The following PAH variants were observed in gnomAD, a reference collection of about 807,000 sequenced individuals.
PAH encodes phenylalanine-4-hydroxylase.
A neutral mutation model predicts 62.0 loss-of-function variants in PAH; 64 were observed. That is an observed-to-expected ratio of 1.03 (90% CI 0.84 to 1.27). The LOEUF is 1.27. PAH is among the 50% of genes most tolerant of loss of function. The pLI, the probability that PAH is intolerant of heterozygous loss-of-function variation, is 0.00. For missense variants in PAH, 579 were observed against 542.8 expected (o/e 1.07, Z -0.66); for synonymous variants, 195 against 196.2 (o/e 0.99, Z 0.05).
At chr12:102,900,818 T>C (rs1261824213) in intron 2 of PAH, among the ~76,000 whole-genome samples, 2 of 152,140 alleles carry the variant, frequency 1.3e-5, no homozygotes, top group Non-Finnish European at 2.9e-5. Flanking sequence ...GGTTTACAAA[T>C]TGACCCATAT....
chr12:102,881,264 G>A (rs1032410302), intron 3 of PAH, among the ~76,000 whole-genome samples: 1 of 150,954 alleles, frequency 6.6e-6, no homozygotes, highest in Non-Finnish European at 1.5e-5. Flanking sequence ...TGCCCACCTC[G>A]GCCTCCCAAA....
At chr12:102,859,456 C>T (rs1247677961) in intron 5 of PAH, among the ~76,000 whole-genome samples, 1 of 152,166 alleles carries the variant, frequency 6.6e-6, no homozygotes, top group Admixed American at 6.5e-5. Context: ...AAGAGGGAAT[C>T]CTCCCTAACT....
chr12:102,867,427 G>C (rs1196336720), intron 4 of PAH, among the ~76,000 whole-genome samples: 1 of 152,196 alleles, frequency 6.6e-6, no homozygotes, highest in Non-Finnish European at 1.5e-5. Context: ...GCACATTTCC[G>C]AGTGAAAGGA....
intron 4 of PAH, among the ~76,000 whole-genome samples, chr12:102,872,282 T>G (rs1417221127): frequency 6.6e-6 from 1 of 152,180 alleles, no homozygotes; most frequent in Admixed American, 6.5e-5. Context: ...TATTCTGGCT[T>G]TCTATTTTCC....
intron 2 of PAH, among the ~76,000 whole-genome samples, 154 bp from the exon 3 acceptor site, chr12:102,895,072 A>G (rs1251094016): frequency 6.6e-6 from 1 of 152,212 alleles, no homozygotes; most frequent in Non-Finnish European, 1.5e-5. Flanking sequence ...TTAAATTTGC[A>G]AAAGTTGTTT....
upstream of PAH, chr12:102,953,172 T>C (rs1392643169): frequency 6.6e-6 from 1 of 152,216 alleles, no homozygotes; most frequent in African/African-American, 2.4e-5. Context: ...ATCCATTGCT[T>C]CTGGAACTCA....
intron 4 of PAH, among the ~76,000 whole-genome samples, chr12:102,871,507 T>C (rs1427013094): frequency 6.6e-6 from 1 of 152,200 alleles, no homozygotes; most frequent in African/African-American, 2.4e-5. Flanking sequence ...GTTGTATGTT[T>C]CTCGTTTCAG....
chr12:102,880,591 C>G (rs1422315880), intron 3 of PAH, among the ~76,000 whole-genome samples: 3 of 152,160 alleles, frequency 2.0e-5, no homozygotes, highest in African/African-American at 7.2e-5. Flanking sequence ...CAAGTCCTTT[C>G]TTGCTGCAAC....
intron 1 of PAH, chr12:102,923,705 A>C (rs966163387): frequency 1.3e-5 from 2 of 152,178 alleles, no homozygotes; most frequent in Admixed American, 6.5e-5. Context: ...AACTGTCTAC[A>C]CCTAAGATGT....
At chr12:102,889,686 A>G (rs1251913406) in intron 3 of PAH, among the ~76,000 whole-genome samples, 2 of 152,136 alleles carry the variant, frequency 1.3e-5, no homozygotes, top group African/African-American at 2.4e-5. Context: ...ACAAAACCCA[A>G]CAGATATTTA....
exon 1 of PAH, chr12:102,958,346 G>C (rs931355471): frequency 2.8e-6 from 4 of 1,435,444 alleles, no homozygotes; most frequent in Non-Finnish European, 3.6e-6. Flanking sequence ...TCTTTGCCAC[G>C]GCCGCAGCCG....
At chr12:102,859,143 A>G (rs971364279) in intron 5 of PAH, among the ~76,000 whole-genome samples, 3 of 152,230 alleles carry the variant, frequency 2.0e-5, no homozygotes, top group African/African-American at 7.2e-5. Flanking sequence ...TAAAGGGGAT[A>G]TCACCACCGA....
At position 102,926,822 on chromosome 12, in the gene PAH, G is replaced by T. The variant is rs1032767848; in HGVS notation, c.-95-9597C>A. On this transcript the variant is annotated intron_variant, in intron 1 of 3. Coordinates refer to the PAH transcript ENST00000546844. ...CTTTTAATGTTATTTTATGTCCATT[G>T]TATCTATGTGGTAGAAATATGACAT... 2.0e-5 allele frequency among the ~76,000 whole-genome samples: 3 copies of T among 147,836 alleles called. No individual in the cohort carries two copies. The Admixed American group carries it at 2.0e-4, about 10-fold the overall frequency.
At chr12:102,951,709 A>C (rs1336072903), upstream of PAH, among the ~76,000 whole-genome samples, 1 of 152,142 alleles carries the variant, frequency 6.6e-6, no homozygotes, top group African/African-American at 2.4e-5. Flanking sequence ...ACTCACGTCC[A>C]CGGTTCTATT....
chr12:102,887,528 C>A (rs149631959), intron 3 of PAH, among the ~76,000 whole-genome samples: 107 of 152,114 alleles, frequency 7.0e-4, no homozygotes, highest in Non-Finnish European at 1.4e-3. Context: ...CTGGTGGTGA[C>A]AAGTGACCTG....
chr12:102,846,863 C>T (rs766707254), intron 9 of PAH, 32 bp downstream of exon 9: 2 of 1,590,342 alleles, frequency 1.3e-6, no homozygotes, highest in Non-Finnish European at 1.7e-6. Context: ...CTATAGCACT[C>T]CACCATCCAC....
rs554686797 is a variant in PAH, at chr12:102,852,751, C to G, written c.842+64G>C. The stretch of plus-strand genomic sequence containing the variant: ...GCCAGCAATGAACCCAAACCTCATT[C>G]TTGCAGCAGGAAAAGATGGCGCTCA... On this transcript the variant is annotated intron_variant, in intron 7 of 12. Coordinates refer to ENST00000553106, the MANE Select transcript of PAH (RefSeq NM_000277.3). 9.3e-6 allele frequency: 15 copies of G among 1,609,188 alleles called. No homozygotes were observed. The East Asian group carries it at 2.2e-4, about 24-fold the overall frequency.
intron 4 of PAH, 95 bp from the exon 5 acceptor site, chr12:102,866,758 A>T: frequency 3.1e-6 from 3 of 972,214 alleles, no homozygotes; most frequent in Non-Finnish European, 5.0e-6. Flanking sequence ...AAGCCATGAC[A>T]GTGCATGTCT....
At chr12:102,895,674 C>A (rs1056661623) in intron 2 of PAH, among the ~76,000 whole-genome samples, 10 of 151,972 alleles carry the variant, frequency 6.6e-5, no homozygotes, top group African/African-American at 2.4e-4. Context: ...TGGTGAAACC[C>A]TGTCTCTACT....
Sources: gnomAD v4.1 joint callset for allele counts (sites outside exome capture counted in the v4.1 genomes callset) on GRCh38, gnomAD v4.1.1 for gene constraint, MANE v1.5 for transcripts, NCBI Gene and HGNC (gene_info 2026-07-23, HGNC 2026-07-21) for gene names.